Variants in SP8 observed in about 807,000 individuals in gnomAD.
SP8 encodes transcription factor Sp8.
In SP8, 7 loss-of-function variants were observed where a neutral mutation model predicts 15.3. The ratio of observed to expected loss-of-function variants is 0.46; its 90% CI spans 0.26 to 0.86. The LOEUF is 0.86. Among genes scored for constraint, SP8 ranks in the 40% least tolerant of loss-of-function variants. The pLI, the probability that SP8 is intolerant of heterozygous loss-of-function variation, is 0.16. For missense variants in SP8, 731 were observed against 736.4 expected, an observed-to-expected ratio of 0.99 and a Z score of 0.09; for synonymous variants, 415 against 356.3, an observed-to-expected ratio of 1.16 and a Z score of -1.86.
chr7:20,784,393 C>T lies in SP8; in HGVS notation c.1424G>A (p.Gly475Asp). 3 of 1,526,964 alleles carry T rather than the reference C, an allele frequency of 2.0e-6. No individual in the cohort carries two copies. The highest frequency in any genetic ancestry group is 2.5e-5 in the East Asian group (1 of 40,182). The allele number at this position is 1,526,964 out of a possible 1,614,324, so 94.6% of individuals were successfully genotyped here. The change falls in exon 2 of 2, where the codon GGC becomes GAC. Residue 475 changes from glycine (G) to aspartate (D), a missense_variant. By Grantham distance (94) the Gly-to-Asp change is moderately conservative (BLOSUM62 -1). Around this residue, in one of 3 missense-constraint regions of SP8, gnomAD observed 114 missense variants for 111.9 expected, o/e 1.02. Coordinates refer to ENST00000418710, the MANE Select transcript of SP8 (RefSeq NM_182700.6). ...SAGSGSGGKK[G>D]SDTDSEHSAA... is the part of the protein sequence containing the mutation. Reference sequence around the variant, plus strand: ...GCTGTGCTCGCTGTCGGTGTCGCTGCCCTTCTTGCCGCCGCTGCCCGAGCC... The same window carrying T: ...GCTGTGCTCGCTGTCGGTGTCGCTGTCCTTCTTGCCGCCGCTGCCCGAGCC...
rs941144847 is a variant in SP8 at position 20,783,896 on chromosome 7, A to G, written c.*394T>C. ...GCCCGCGCGAGGCCCGCTGTCTACC[A>G]GGCACTGGATTAGTCCAGCTCTACC... On this transcript the variant is annotated 3_prime_UTR_variant, in exon 2 of 2. Coordinates refer to ENST00000418710, the MANE Select transcript of SP8 (RefSeq NM_182700.6). 18 of 183,970 alleles carry G rather than the reference A, an allele frequency of 9.8e-5. No homozygotes were observed. The highest frequency in any genetic ancestry group is 1.9e-4 in the Non-Finnish European group (17 of 90,830). The allele number at this position is 183,970 out of a possible 1,614,324, so 11.4% of individuals were successfully genotyped here.
rs1783543482 is a variant in SP8, at chr7:20,783,140, A to T, written c.*1150T>A. 6.7e-6 allele frequency: 1 copy of T among 149,566 alleles called. No individual in the cohort carries two copies. Among genetic ancestry groups the T allele is most frequent in the Non-Finnish European group, 1.5e-5 (1 of 67,616 alleles). 9.3% of individuals were successfully genotyped at this position (149,566 alleles called of 1,614,324 possible). A position where few individuals can be genotyped will look rare whatever the true frequency, so the allele number is the denominator to read the frequency against. On this transcript the variant is annotated 3_prime_UTR_variant, in exon 2 of 2. Transcript: ENST00000418710. The stretch of plus-strand genomic sequence containing the variant: ...TTGTTTGTAAGTTTAAATCACACAC[A>T]AAAAAGTTTAACCCTACGATCTTCA...
At position 20,784,660 on chromosome 7, in the gene SP8, C is replaced by G. The variant is rs780870173; in HGVS notation, c.1157G>C (p.Gly386Ala). 6.2e-7 allele frequency: 1 copy of G among 1,609,842 alleles called. No homozygotes were observed. The highest frequency in any genetic ancestry group is 8.5e-7 in the Non-Finnish European group (1 of 1,178,990). The change falls in exon 2 of 2, where the codon GGC becomes GCC. Residue 386 changes from glycine to alanine, a missense_variant. Gly to Ala is a moderately conservative substitution (Grantham distance 60, BLOSUM62 0). Transcript: ENST00000418710. ...GTGCGCCTTGAGGTGCGAAGTCTTG[C>G]CGTACACCTTGCCGCAGCCCGGGAT... ...CHIPGCGKVY[G>A]KTSHLKAHLR...
In SP8 at chr7:20,786,569, C is replaced by A. The variant is rs769895159; in HGVS notation, c.21+209G>T. Reference sequence around the variant, plus strand: ...CGCGGTGGCTTGTCTAAATGCCCTTCGAACCTTTTCCTGCGCTGAAAAAAA... The same window carrying A: ...CGCGGTGGCTTGTCTAAATGCCCTTAGAACCTTTTCCTGCGCTGAAAAAAA... On this transcript the variant is annotated intron_variant, in intron 1 of 1. Coordinates refer to ENST00000418710, the MANE Select transcript of SP8 (RefSeq NM_182700.6). The surrounding 1 kb of genome is among the most constrained non-coding windows in gnomAD (Gnocchi z 4.4). Among the ~76,000 whole-genome samples, 2 of 151,866 alleles carry A rather than the reference C, an allele frequency of 1.3e-5. No individual in the cohort carries two copies. The highest frequency in any genetic ancestry group is 2.4e-5 in the African/African-American group (1 of 41,308).
rs771899660 is a variant in SP8, at chr7:20,785,615, T to G, written c.202A>C (p.Ser68Arg). The change falls in exon 2 of 2, where the codon AGT becomes CGT. Residue 68 changes from serine (S) to arginine (R), a missense_variant. Physicochemically the swap from Ser to Arg is moderately radical, Grantham distance 110. Around this residue, in one of 3 missense-constraint regions of SP8, gnomAD observed 586 missense variants for 524.9 expected, o/e 1.12. Transcript: ENST00000418710. The surrounding 1 kb of genome is among the most constrained non-coding windows in gnomAD (Gnocchi z 7.2). ...SSASCNVVGS[S>R]LSSFGVSGAS... Reference sequence around the variant, plus strand: ...CCGGACACGCCGAAGCTTGAGAGACTGGAACCCACTACGTTGCAGCTGGCG... The same window carrying G: ...CCGGACACGCCGAAGCTTGAGAGACGGGAACCCACTACGTTGCAGCTGGCG... 21 of 1,590,564 alleles carry G rather than the reference T, an allele frequency of 1.3e-5. No individual in the cohort carries two copies. Among genetic ancestry groups the G allele is most frequent in the Non-Finnish European group, 1.7e-5 (20 of 1,165,458 alleles).
chr7:20,786,066 T>C lies in SP8; in HGVS notation c.22-271A>G. 2 of 1,318,204 alleles carry C rather than the reference T, an allele frequency of 1.5e-6. No homozygotes were observed. Among genetic ancestry groups the C allele is most frequent in the Middle Eastern group, 5.8e-4 (2 of 3,436 alleles). 81.7% of individuals were successfully genotyped at this position (1,318,204 alleles called of 1,614,324 possible). A position where few individuals can be genotyped will look rare whatever the true frequency, so the allele number is the denominator to read the frequency against. On this transcript the variant is annotated intron_variant, in intron 1 of 1. Transcript: ENST00000418710. The surrounding 1 kb of genome is among the most constrained non-coding windows in gnomAD (Gnocchi z 4.4). ...ACGCTAAAGAAGAGTTTGACAAGTA[T>C]TCTCACCTAAAACAACACTCTCTTG...
At position 20,784,383 on chromosome 7, in the gene SP8, G is replaced by C. The variant is rs1202199253; in HGVS notation, c.1434C>G (p.Thr478=). ...SGSGGKKGSD[T]DSEHSAAGSP... ...TGCCCGCGGCGCTGTGCTCGCTGTC[G>C]GTGTCGCTGCCCTTCTTGCCGCCGC... is the stretch of plus-strand genomic sequence containing the variant. Residue 478 remains threonine, a synonymous_variant, in exon 2 of 2, where the codon ACC becomes ACG. Coordinates refer to ENST00000418710, the MANE Select transcript of SP8 (RefSeq NM_182700.6). The C allele has an allele frequency of 1.3e-6, 2 of 1,526,598 alleles. No homozygotes were observed. The highest frequency in any genetic ancestry group is 5.0e-5 in the East Asian group (2 of 40,150). 94.6% of individuals were successfully genotyped at this position (1,526,598 alleles called of 1,614,324 possible).
rs1204138236 is a variant in SP8 at position 20,782,953 on chromosome 7, C to G, written c.*1337G>C. The G allele has an allele frequency of 3.3e-5, 5 of 152,538 alleles. No homozygotes were observed. Among genetic ancestry groups the G allele is most frequent in the Non-Finnish European group, 7.3e-5 (5 of 68,038 alleles). The allele number at this position is 152,538 out of a possible 1,614,324, so 9.4% of individuals were successfully genotyped here. A position where few individuals can be genotyped will look rare whatever the true frequency, so the allele number is the denominator to read the frequency against. ...CTCCTGGACAACTGCACCTCACACC[C>G]TTACACTGGCGGAGTTATATTTAAT... is the stretch of plus-strand genomic sequence containing the variant. On this transcript the variant is annotated 3_prime_UTR_variant, in exon 2 of 2. Coordinates refer to ENST00000418710, the MANE Select transcript of SP8 (RefSeq NM_182700.6).
Position 20,785,348 on chromosome 7 carries a change from C to CGCCGCT in SP8, c.463_468dup (p.Ser155_Gly156dup), listed in dbSNP as rs1373279010. ...CCGCCGCCGCCGCCCCCGCCGCCGC[C>CGCCGCT]GCCGCTGCCCCCGGAAACTCCGGGG... On this transcript the variant is annotated inframe_insertion, in exon 2 of 2. Transcript: ENST00000418710. This position sits in a 1 kb window ranked among gnomAD's most constrained non-coding sequence, Gnocchi z 7.2. 8.1e-6 allele frequency: 12 copies of CGCCGCT among 1,477,100 alleles called. No homozygotes were observed. Among genetic ancestry groups the CGCCGCT allele is most frequent in the African/African-American group, 3.0e-5 (2 of 67,714 alleles). 91.5% of individuals were successfully genotyped at this position (1,477,100 alleles called of 1,614,324 possible).
Position 20,786,715 on chromosome 7 carries a change from C to A in SP8, c.21+63G>T, listed in dbSNP as rs1783687055. 2.0e-6 allele frequency: 3 copies of A among 1,482,574 alleles called. No homozygotes were observed. The highest frequency in any genetic ancestry group is 2.8e-6 in the Non-Finnish European group (3 of 1,060,330). The allele number at this position is 1,482,574 out of a possible 1,614,324, so 91.8% of individuals were successfully genotyped here. On this transcript the variant is annotated intron_variant, in intron 1 of 1. Transcript: ENST00000418710. This position sits in a 1 kb window ranked among gnomAD's most constrained non-coding sequence, Gnocchi z 4.4. Reference sequence around the variant, plus strand: ...CGTGGCCTGGCCGGGGCGACTTTAACCCCCTCCAATCGGCAATAAAAGGAA... The same window carrying A: ...CGTGGCCTGGCCGGGGCGACTTTAAACCCCTCCAATCGGCAATAAAAGGAA...
Position 20,786,073 on chromosome 7 carries a change from C to T in SP8, c.22-278G>A, listed in dbSNP as rs1287724443. 1.5e-5 allele frequency: 19 copies of T among 1,281,604 alleles called. No individual in the cohort carries two copies. Among genetic ancestry groups the T allele is most frequent in the Admixed American group, 3.1e-5 (1 of 31,790 alleles). The allele number at this position is 1,281,604 out of a possible 1,614,324, so 79.4% of individuals were successfully genotyped here. ...AGAAGAGTTTGACAAGTATTCTCAC[C>T]TAAAACAACACTCTCTTGCACACAA... On this transcript the variant is annotated intron_variant, in intron 1 of 1. Coordinates refer to ENST00000418710, the MANE Select transcript of SP8 (RefSeq NM_182700.6). The surrounding 1 kb of genome is among the most constrained non-coding windows in gnomAD (Gnocchi z 4.4).
chr7:20,785,080 G>A lies in SP8; in HGVS notation c.737C>T (p.Ala246Val). Residue 246 changes from alanine to valine, a missense_variant, in exon 2 of 2, where the codon GCG becomes GTG. By Grantham distance (64) the Ala-to-Val change is moderately conservative. Transcript: ENST00000418710. The surrounding 1 kb of genome is among the most constrained non-coding windows in gnomAD (Gnocchi z 7.2). ...GGCAGGGTGCAGCGAGCCGGGCAGCGCAGCCGCGCTGTTCGGGTTCTGCAC... is the reference window on the plus strand; with the variant it reads ...GGCAGGGTGCAGCGAGCCGGGCAGCACAGCCGCGCTGTTCGGGTTCTGCAC... ...IDVQNPNSAAALPGSLHPAAG... is the reference protein window; with the variant it reads ...IDVQNPNSAAVLPGSLHPAAG... The A allele has an allele frequency of 6.3e-7, 1 of 1,582,458 alleles. No individual in the cohort carries two copies. The highest frequency in any genetic ancestry group is 2.3e-5 in the East Asian group (1 of 43,398).
rs1766212144 is a variant in SP8 at position 20,785,050 on chromosome 7, C to G, written c.767G>C (p.Gly256Ala). 2.5e-6 allele frequency: 4 copies of G among 1,578,614 alleles called. No individual in the cohort carries two copies. The highest frequency in any genetic ancestry group is 2.2e-5 in the South Asian group (2 of 88,976). ...ALPGSLHPAA[G>A]GLQTSLHSPL... is the part of the protein sequence containing the mutation. Reference sequence around the variant, plus strand: ...CGAGTGCAGCGAGGTTTGGAGCCCCCCGGCGGCAGGGTGCAGCGAGCCGGG... The same window carrying G: ...CGAGTGCAGCGAGGTTTGGAGCCCCGCGGCGGCAGGGTGCAGCGAGCCGGG... Residue 256 changes from glycine to alanine, a missense_variant, in exon 2 of 2, where the codon GGG becomes GCG. Gly to Ala is a moderately conservative substitution (Grantham distance 60). Coordinates refer to ENST00000418710, the MANE Select transcript of SP8 (RefSeq NM_182700.6). This position sits in a 1 kb window ranked among gnomAD's most constrained non-coding sequence, Gnocchi z 7.2.
In SP8 at chr7:20,783,183, C is replaced by CA. The variant is rs5882775; in HGVS notation, c.*1106_*1107insT. The CA allele has an allele frequency of 1, 152,776 of 152,776 alleles. 76,388 individuals are homozygous for CA. Among genetic ancestry groups the CA allele is most frequent in the Non-Finnish European group, 1 (68,044 of 68,044 alleles). 9.5% of individuals were successfully genotyped at this position (152,776 alleles called of 1,614,324 possible). ...GATCTTCATGAATTGAGAGAATTTA[C>CA]GAAATTGGTACTATACAATTGACGG... On this transcript the variant is annotated 3_prime_UTR_variant, in exon 2 of 2. Transcript: ENST00000418710.
chr7:20,785,749 G>GT lies in SP8; in HGVS notation c.67dup (p.Thr23AsnfsTer3). 1 of 1,613,248 alleles carries GT rather than the reference G, an allele frequency of 6.2e-7. No individual in the cohort carries two copies. Among genetic ancestry groups the GT allele is most frequent in the Non-Finnish European group, 8.5e-7 (1 of 1,179,606 alleles). Reference sequence around the variant, plus strand: ...GCTGGGGCTGCCTATCTTATTACAGGTAGCGGCAAGCATGGCCAGAGGAGT... The same window carrying GT: ...GCTGGGGCTGCCTATCTTATTACAGGTTAGCGGCAAGCATGGCCAGAGGAGT... On this transcript the variant is annotated frameshift_variant, in exon 2 of 2. Coordinates refer to ENST00000418710, the MANE Select transcript of SP8 (RefSeq NM_182700.6). LOFTEE classifies it low-confidence loss of function (END_TRUNC). The surrounding 1 kb of genome is among the most constrained non-coding windows in gnomAD (Gnocchi z 7.2).
rs1783594006 is a variant in SP8 at position 20,784,341 on chromosome 7, G to A, written c.1476C>T (p.Ser492=). ...HSAAGSPPCH[S]PELLQPPEPG... ...GCTCGGGGGGCTGCAGCAGCTCTGG[G>A]GAGTGGCAGGGCGGGCTGCCCGCGG... The change falls in exon 2 of 2, where the codon TCC becomes TCT. Residue 492 remains serine (S), a synonymous_variant. Coordinates refer to ENST00000418710, the MANE Select transcript of SP8 (RefSeq NM_182700.6). 6.6e-7 allele frequency: 1 copy of A among 1,519,880 alleles called. No homozygotes were observed. The highest frequency in any genetic ancestry group is 1.2e-5 in the South Asian group (1 of 82,368). 94.1% of individuals were successfully genotyped at this position (1,519,880 alleles called of 1,614,324 possible).
At position 20,782,392 on chromosome 7, in the gene SP8, A is replaced by G. The variant is rs1456389208; in HGVS notation, c.*1898T>C. On this transcript the variant is annotated 3_prime_UTR_variant, in exon 2 of 2. Coordinates refer to ENST00000418710, the MANE Select transcript of SP8 (RefSeq NM_182700.6). ...CTCCAGAGAAAGGCTTTTCATTTCA[A>G]TGTGAAATATCCAAATTATTTCAAC... is the stretch of plus-strand genomic sequence containing the variant. 2 of 152,682 alleles carry G rather than the reference A, an allele frequency of 1.3e-5. No homozygotes were observed. Among genetic ancestry groups the G allele is most frequent in the African/African-American group, 4.8e-5 (2 of 41,480 alleles). 9.5% of individuals were successfully genotyped at this position (152,682 alleles called of 1,614,324 possible). A position where few individuals can be genotyped will look rare whatever the true frequency, so the allele number is the denominator to read the frequency against.
Position 20,786,133 on chromosome 7 carries a change from T to C in SP8, c.22-338A>G. 1 of 722,736 alleles carries C rather than the reference T, an allele frequency of 1.4e-6. No individual in the cohort carries two copies. Among genetic ancestry groups the C allele is most frequent in the Non-Finnish European group, 1.8e-6 (1 of 567,448 alleles). The allele number at this position is 722,736 out of a possible 1,614,324, so 44.8% of individuals were successfully genotyped here. On this transcript the variant is annotated intron_variant, in intron 1 of 1. Coordinates refer to ENST00000418710, the MANE Select transcript of SP8 (RefSeq NM_182700.6). This position sits in a 1 kb window ranked among gnomAD's most constrained non-coding sequence, Gnocchi z 4.4. The stretch of plus-strand genomic sequence containing the variant: ...CACTTCGTAACAAACAAGCAAAAAG[T>C]CCAGATTGGAGAGGAAGGAAGTTTT...
At position 20,783,634 on chromosome 7, in the gene SP8, C is replaced by T. The variant is rs1385991946; in HGVS notation, c.*656G>A. On this transcript the variant is annotated 3_prime_UTR_variant, in exon 2 of 2. Transcript: ENST00000418710. ...AAGAGGCAGACTGACATTGGGAGATCTAAACTCTACAAACTCTGGGTCTCG... is the reference window on the plus strand; with the variant it reads ...AAGAGGCAGACTGACATTGGGAGATTTAAACTCTACAAACTCTGGGTCTCG... The T allele has an allele frequency of 6.9e-6, 1 of 145,756 alleles. No individual in the cohort carries two copies. The highest frequency in any genetic ancestry group is 1.5e-5 in the Non-Finnish European group (1 of 66,798). 9.0% of individuals were successfully genotyped at this position (145,756 alleles called of 1,614,324 possible). A position where few individuals can be genotyped will look rare whatever the true frequency, so the allele number is the denominator to read the frequency against.
Sources: gnomAD v4.1 joint callset for allele counts (sites outside exome capture counted in the v4.1 genomes callset) on GRCh38, gnomAD v4.1.1 for gene constraint, gnomAD v4.1.1 regional missense constraint, Gnocchi (gnomAD v3.1) non-coding constraint, MANE v1.5 for transcripts, NCBI Gene and HGNC (gene_info 2026-07-23, HGNC 2026-07-21) for gene names.